Variants in HIP1 observed in about 807,000 individuals in gnomAD.
The protein encoded by HIP1 is huntingtin interacting protein 1, also known as huntingtin-interacting protein 1.
In HIP1, 65 loss-of-function variants were observed where a neutral mutation model predicts 147.6. The ratio of observed to expected loss-of-function variants is 0.44; its 90% CI spans 0.36 to 0.54. The LOEUF (loss-of-function observed/expected upper bound fraction) is 0.54, where lower values mean the gene tolerates loss of function less well. Among genes scored for constraint, HIP1 ranks in the 20% least tolerant of loss-of-function variants. HIP1 has a pLI of 0.00. For missense variants in HIP1, 1,061 were observed against 1,299.6 expected (o/e 0.82, Z 2.82); for synonymous variants, 479 against 504.0 (o/e 0.95, Z 0.67).
At chr7:75,595,247 T>TTCCTTCCTTCCTTC (rs1563230320) in intron 2 of HIP1, among the ~76,000 whole-genome samples, 9 of 82,946 alleles carry the variant, frequency 1.1e-4, no homozygotes, top group African/African-American at 3.2e-4. Flanking sequence ...TTTCTTTCTT[T>TTCCTTCCTTCCTTC]CTTTCTTCCT....
intron 29 of HIP1, among the ~76,000 whole-genome samples, chr7:75,540,616 A>G (rs1562877): frequency 0.48 from 73,178 of 151,540 alleles, 18,192 homozygotes; most frequent in South Asian, 0.58. Flanking sequence ...GACTCAAAAA[A>G]AGAAAAAAAA....
chr7:75,626,813 C>G (rs1383333787), intron 1 of HIP1: 5 of 151,930 alleles, frequency 3.3e-5, no homozygotes, highest in South Asian at 4.1e-4. Flanking sequence ...TTGATTGAAT[C>G]AAATGAAAAT....
intron 1 of HIP1, among the ~76,000 whole-genome samples, chr7:75,618,061 C>G (rs1797728483): frequency 6.6e-6 from 1 of 152,268 alleles, no homozygotes; most frequent in Non-Finnish European, 1.5e-5. Flanking sequence ...GTGGGAAACC[C>G]TGGGCTGCGC....
intron 1 of HIP1, among the ~76,000 whole-genome samples, chr7:75,715,857 T>C (rs2868137): frequency 0.45 from 67,022 of 149,436 alleles, 15,272 homozygotes; most frequent in Admixed American, 0.5. Flanking sequence ...CACATCTGCT[T>C]AGCTTTAGGT....
At chr7:75,653,122 T>C (rs1799045569) in intron 1 of HIP1, among the ~76,000 whole-genome samples, 1 of 151,798 alleles carries the variant, frequency 6.6e-6, no homozygotes, top group South Asian at 2.1e-4. Flanking sequence ...CATTAGGATA[T>C]GTGATTTGGG....
chr7:75,646,066 AC>A (rs1452827452), intron 1 of HIP1, among the ~76,000 whole-genome samples: 1 of 151,942 alleles, frequency 6.6e-6, no homozygotes, highest in Non-Finnish European at 1.5e-5. Context: ...CTGCACATGT[AC>A]CCCCTGAATC....
intron 1 of HIP1, among the ~76,000 whole-genome samples, chr7:75,628,144 C>T (rs1156576674): frequency 1.3e-5 from 2 of 152,198 alleles, no homozygotes; most frequent in African/African-American, 4.8e-5. Context: ...AAAATTTTCT[C>T]ATTTACATTT....
chr7:75,556,248 A>G, intron 17 of HIP1, 79 bp from the exon 18 acceptor site: 1 of 1,516,292 alleles, frequency 6.6e-7, no homozygotes, highest in South Asian at 1.2e-5. Flanking sequence ...CCAACCCACC[A>G]CCGGGTTGCA....
chr7:75,631,679 T>C (rs1157729472), intron 1 of HIP1, among the ~76,000 whole-genome samples: 1 of 152,218 alleles, frequency 6.6e-6, no homozygotes, highest in Non-Finnish European at 1.5e-5. Context: ...TTTTCTTGAA[T>C]GACCCATGGA....
chr7:75,607,787 C>T (rs1412627047), intron 1 of HIP1, among the ~76,000 whole-genome samples: 1 of 151,674 alleles, frequency 6.6e-6, no homozygotes. Context: ...AAGTGTAGGG[C>T]GGGGATTCAG....
chr7:75,585,444 G>GCC, intron 5 of HIP1, among the ~76,000 whole-genome samples: 1 of 152,152 alleles, frequency 6.6e-6, no homozygotes, highest in South Asian at 2.1e-4. Context: ...CTGAAATGCT[G>GCC]GGATGACAGG....
intron 1 of HIP1, among the ~76,000 whole-genome samples, chr7:75,650,230 C>T (rs1202820315): frequency 6.6e-6 from 1 of 152,112 alleles, no homozygotes; most frequent in Non-Finnish European, 1.5e-5. Context: ...GGGAGCCACT[C>T]AGCCAAGTCC....
chr7:75,687,731 T>G (rs2117288324), intron 1 of HIP1, among the ~76,000 whole-genome samples: 1 of 152,254 alleles, frequency 6.6e-6, no homozygotes, highest in Admixed American at 6.6e-5. Flanking sequence ...AAAACTCATC[T>G]GGCTCTTGCC....
At chr7:75,648,005 C>T (rs538580280) in intron 1 of HIP1, among the ~76,000 whole-genome samples, 7 of 152,342 alleles carry the variant, frequency 4.6e-5, no homozygotes, top group Admixed American at 2.6e-4. Flanking sequence ...ACCCCTTAGG[C>T]CCTCCTGTGT....
rs71098042 is a variant in HIP1, at chr7:75,616,085, C to CAA, written c.121-16840_121-16839dup. ...TGGGCGACAGAGTAAGACTCTGTCT[C>CAA]AAAAAAAAAAAAAAAAAAAAAGAAA... On this transcript the variant is annotated intron_variant, in intron 1 of 30. Transcript: ENST00000336926. Among the ~76,000 whole-genome samples, 32 of 35,168 alleles carry CAA rather than the reference C, an allele frequency of 9.1e-4. 2 individuals are homozygous for CAA. Among genetic ancestry groups the CAA allele is most frequent in the East Asian group, 3.2e-3 (4 of 1,264 alleles). 23.1% of individuals were successfully genotyped at this position (35,168 alleles called of 152,430 possible).
chr7:75,670,786 C>CTTTTTTTTTTTTTTTT (rs782710876), intron 1 of HIP1, among the ~76,000 whole-genome samples: 2 of 122,842 alleles, frequency 1.6e-5, no homozygotes, highest in African/African-American at 3.2e-5. Flanking sequence ...CTAATTAAAA[C>CTTTTTTTTTTTTTTTT]TTTTTTTTTT....
chr7:75,707,962 A>C (rs1801052761), intron 1 of HIP1, among the ~76,000 whole-genome samples: 1 of 140,780 alleles, frequency 7.1e-6, no homozygotes, highest in Non-Finnish European at 1.5e-5. Flanking sequence ...AGATGGATTA[A>C]AGATTTATAC....
rs147505632 is a variant in HIP1 at position 75,643,617 on chromosome 7, C to A, written c.121-44370G>T. ...GATGGGAAGGGTTAGTCCAAAGGTT[C>A]TGTAACTTTGCCTACAGTGTTTTAA... On this transcript the variant is annotated intron_variant, in intron 1 of 30. Coordinates refer to ENST00000336926, the MANE Select transcript of HIP1 (RefSeq NM_005338.7). 6.2e-3 allele frequency among the ~76,000 whole-genome samples: 951 copies of A among 152,300 alleles called. 12 individuals carry two copies. The highest frequency in any genetic ancestry group is 0.022 in the African/African-American group (930 of 41,562).
chr7:75,596,746 C>T (rs1554502028), intron 2 of HIP1, among the ~76,000 whole-genome samples: 1 of 152,128 alleles, frequency 6.6e-6, no homozygotes, highest in Non-Finnish European at 1.5e-5. Flanking sequence ...CATGGAGGCC[C>T]CACTCAAGGT....
Sources: gnomAD v4.1 joint callset for allele counts (sites outside exome capture counted in the v4.1 genomes callset) on GRCh38, gnomAD v4.1.1 for gene constraint, MANE v1.5 for transcripts, NCBI Gene and HGNC (gene_info 2026-07-23, HGNC 2026-07-21) for gene names.